Variants in MAGI3 observed in about 807,000 individuals in gnomAD.
The protein encoded by MAGI3 is membrane-associated guanylate kinase, WW and PDZ domain-containing protein 3.
MAGI3 carries 43 observed loss-of-function variants against 121.8 expected under a neutral mutation model. The ratio of observed to expected loss-of-function variants is 0.35; its 90% CI spans 0.28 to 0.46. The LOEUF (loss-of-function observed/expected upper bound fraction) is 0.46, where lower values mean the gene tolerates loss of function less well. MAGI3 is among the 20% of genes least tolerant of loss of function. The probability of loss-of-function intolerance (pLI) is 1.00; values close to 1 mark genes in which losing one functional copy is unlikely to be tolerated. For synonymous variants in MAGI3, 553 were observed against 639.3 expected, an observed-to-expected ratio of 0.86 and a Z score of 2.04; for missense variants, 1,547 against 1,797.3, an observed-to-expected ratio of 0.86 and a Z score of 2.52.
intron 9 of MAGI3, among the ~76,000 whole-genome samples, chr1:113,635,713 T>C (rs553748204): frequency 0.023 from 3,521 of 152,240 alleles, 69 homozygotes; most frequent in African/African-American, 0.08. Flanking sequence ...TCTGCCCAGC[T>C]TTGGTGTCAG....
At chr1:113,675,610 T>C (rs147960732) in intron 19 of MAGI3, among the ~76,000 whole-genome samples, 3 of 152,208 alleles carry the variant, frequency 2.0e-5, no homozygotes, top group African/African-American at 7.2e-5. Flanking sequence ...GTAGATAAGA[T>C]CACTAAGGAA....
intron 1 of MAGI3, among the ~76,000 whole-genome samples, chr1:113,442,473 A>C (rs982517111): frequency 6.6e-6 from 1 of 152,104 alleles, no homozygotes; most frequent in Admixed American, 6.6e-5. Flanking sequence ...AATTGGTTTT[A>C]TTGTGGATAA....
chr1:113,609,701 C>T (rs1225973287), intron 6 of MAGI3, among the ~76,000 whole-genome samples: 1 of 152,100 alleles, frequency 6.6e-6, no homozygotes, highest in Admixed American at 6.5e-5. Context: ...GTAATTCTTA[C>T]ATTTAAACAA....
intron 1 of MAGI3, among the ~76,000 whole-genome samples, chr1:113,445,210 C>T (rs1356915933): frequency 6.6e-6 from 1 of 152,142 alleles, no homozygotes; most frequent in East Asian, 1.9e-4. Flanking sequence ...ATGCTGAAAA[C>T]TTTTCAAAGC....
intron 6 of MAGI3, among the ~76,000 whole-genome samples, chr1:113,614,281 T>C (rs551390960): frequency 1.3e-5 from 2 of 152,286 alleles, no homozygotes; most frequent in East Asian, 3.9e-4. Flanking sequence ...AGGGTAAATA[T>C]GTCTTGTGTC....
At chr1:113,452,822 C>T (rs983225865) in intron 1 of MAGI3, among the ~76,000 whole-genome samples, 1 of 152,058 alleles carries the variant, frequency 6.6e-6, no homozygotes, top group African/African-American at 2.4e-5. Context: ...CAAAGGAAAA[C>T]CCAAGATTAG....
At chr1:113,654,436 C>A (rs1217307494) in intron 15 of MAGI3, among the ~76,000 whole-genome samples, 2 of 152,080 alleles carry the variant, frequency 1.3e-5, no homozygotes, top group Non-Finnish European at 2.9e-5. Flanking sequence ...AAAATCTTGA[C>A]CCAAATATGT....
At chr1:113,601,785 T>C (rs12118805) in intron 6 of MAGI3, among the ~76,000 whole-genome samples, 94,425 of 132,428 alleles carry the variant, frequency 0.71, 34,119 homozygotes, top group African/African-American at 0.76. Context: ...ATGTTTATTG[T>C]GGCACTATTC....
At chr1:113,626,139 A>T (rs1301656841) in intron 9 of MAGI3, among the ~76,000 whole-genome samples, 1 of 152,022 alleles carries the variant, frequency 6.6e-6, no homozygotes, top group Non-Finnish European at 1.5e-5. Flanking sequence ...CTAATTTTAT[A>T]TTTTTAGTAG....
chr1:113,561,351 A>T lies in MAGI3; in HGVS notation c.433+11720A>T, dbSNP rs184871465. On this transcript the variant is annotated intron_variant, in intron 2 of 20. Transcript: ENST00000307546. ...AGGCCAGTATCCCTAATGAACATCA[A>T]TGCAAAAACCCTCAGTAAAATACTG... Among the ~76,000 whole-genome samples the T allele has an allele frequency of 5.3e-3, 808 of 152,364 alleles. 4 individuals carry two copies. Among genetic ancestry groups the T allele is most frequent in the African/African-American group, 0.019 (778 of 41,578 alleles).
chr1:113,678,907 CTTA>C (rs1481921512), intron 19 of MAGI3, among the ~76,000 whole-genome samples: 1 of 152,140 alleles, frequency 6.6e-6, no homozygotes, highest in African/African-American at 2.4e-5. Context: ...TCTGGATTGG[CTTA>C]TTATTATTTC....
At chr1:113,569,872 T>A (rs1051933979) in intron 2 of MAGI3, among the ~76,000 whole-genome samples, 1 of 152,110 alleles carries the variant, frequency 6.6e-6, no homozygotes, top group Non-Finnish European at 1.5e-5. Context: ...ATAAATCAAT[T>A]TTATTTTATT....
intron 5 of MAGI3, among the ~76,000 whole-genome samples, chr1:113,592,179 A>ATGTT (rs1191738931): frequency 3.3e-5 from 5 of 152,178 alleles, no homozygotes; most frequent in African/African-American, 1.2e-4. Flanking sequence ...TAAACCATAT[A>ATGTT]TATTATAAAG....
intron 2 of MAGI3, among the ~76,000 whole-genome samples, chr1:113,562,262 G>T (rs1292380205): frequency 6.6e-5 from 10 of 152,152 alleles, no homozygotes; most frequent in Non-Finnish European, 1.5e-4. Context: ...AATTAGCCAG[G>T]CATGGTGGCG....
chr1:113,683,638 A>C lies in MAGI3; in HGVS notation c.4070A>C (p.Lys1357Thr). ...AGCAGAACAAGGTCTCCAGAGAAAA[A>C]AATCAAAAGAATGGTTGAGAAATCT... ...EKSRTRSPEK[K>T]IKRMVEKSLP... The change falls in exon 21 of 21, where the codon AAA becomes ACA. Residue 1357 changes from lysine to threonine, a missense_variant. Lys to Thr is a moderately conservative substitution (Grantham distance 78). Coordinates refer to ENST00000307546, the MANE Select transcript of MAGI3 (RefSeq NM_001142782.2). 1 of 1,612,856 alleles carries C rather than the reference A, an allele frequency of 6.2e-7. No individual in the cohort carries two copies. Among genetic ancestry groups the C allele is most frequent in the Non-Finnish European group, 8.5e-7 (1 of 1,179,484 alleles).
intron 2 of MAGI3, among the ~76,000 whole-genome samples, chr1:113,552,651 C>T (rs1315899280): frequency 1.3e-5 from 2 of 152,170 alleles, no homozygotes; most frequent in East Asian, 3.9e-4. Flanking sequence ...TTTGCAGTTT[C>T]CTCAGTGTGA....
intron 2 of MAGI3, among the ~76,000 whole-genome samples, chr1:113,556,708 G>A (rs1368395253): frequency 6.6e-6 from 1 of 151,914 alleles, no homozygotes; most frequent in East Asian, 1.9e-4. Context: ...AACTACAGAT[G>A]TGTGCCACCA....
intron 1 of MAGI3, among the ~76,000 whole-genome samples, chr1:113,514,092 T>C (rs1439281388): frequency 6.6e-6 from 1 of 152,062 alleles, no homozygotes; most frequent in African/African-American, 2.4e-5. Context: ...CTCACACCAG[T>C]TAGAATGGCG....
At chr1:113,645,941 A>T (rs1356401412) in intron 11 of MAGI3, among the ~76,000 whole-genome samples, 1 of 152,210 alleles carries the variant, frequency 6.6e-6, no homozygotes, top group Non-Finnish European at 1.5e-5. Context: ...CTTGCATGGT[A>T]CATTTTCTCT....
Sources: allele counts gnomAD v4.1 joint callset (sites outside exome capture counted in the v4.1 genomes callset), GRCh38; gene constraint gnomAD v4.1.1; transcripts MANE v1.5; gene names NCBI Gene and HGNC (gene_info 2026-07-23, HGNC 2026-07-21).